The following GRK1 variants were observed in gnomAD, a reference collection of about 807,000 sequenced individuals.
The protein encoded by GRK1 is G protein-coupled receptor kinase 1.
Under a neutral mutation model 41.7 loss-of-function variants are expected in GRK1, and 28 were observed. The observed-to-expected ratio is 0.67, with a 90% CI of 0.50 to 0.92. The LOEUF is 0.92. Ranked by LOEUF, GRK1 falls within the 40% of genes least tolerant of loss-of-function variation. The pLI, the probability that GRK1 is intolerant of heterozygous loss-of-function variation, is 0.00. For missense variants in GRK1, 703 were observed against 671.2 expected (o/e 1.05, Z -0.52); for synonymous variants, 327 against 286.7 (o/e 1.14, Z -1.42).
chr13:113,652,763 C>T, the GRK1 span: 1 of 1,297,950 alleles, frequency 7.7e-7, no homozygotes, highest in Middle Eastern at 1.8e-4. Flanking sequence ...AGTCCCTGTC[C>T]CGCTTGGGCA....
Position 113,667,340 on chromosome 13 carries a change from C to T in GRK1, c.-47C>T, listed in dbSNP as rs1304726486. Reference sequence around the variant, plus strand: ...CTGTCTGTGAACGCTCCCGGCTTGGCCTCGGCTGATGGGCCCTCACGCCTG... The same window carrying T: ...CTGTCTGTGAACGCTCCCGGCTTGGTCTCGGCTGATGGGCCCTCACGCCTG... On this transcript the variant is annotated 5_prime_UTR_variant, in exon 1 of 7. Coordinates refer to ENST00000335678, the MANE Select transcript of GRK1 (RefSeq NM_002929.3). The surrounding 1 kb of genome is among the most constrained non-coding windows in gnomAD (Gnocchi z 7.5). The T allele has an allele frequency of 1.4e-6, 2 of 1,481,108 alleles. No homozygotes were observed. The highest frequency in any genetic ancestry group is 1.8e-6 in the Non-Finnish European group (2 of 1,111,022). 91.7% of individuals were successfully genotyped at this position (1,481,108 alleles called of 1,614,324 possible).
At chr13:113,670,676 G>A (rs915180383) in intron 2 of GRK1, among the ~76,000 whole-genome samples, 7 of 52,484 alleles carry the variant, frequency 1.3e-4, no homozygotes, top group South Asian at 1.1e-3. Context: ...GTGTCCAGGC[G>A]GAGGGGAGGG....
chr13:113,734,802 C>T, intron 6 of GRK1: 1 of 367,346 alleles, frequency 2.7e-6, no homozygotes, highest in Non-Finnish European at 4.9e-6. Context: ...AGCGCCAGGT[C>T]CTTTCACAAG....
the GRK1 span, among the ~76,000 whole-genome samples, chr13:113,651,119 C>T: frequency 2.0e-5 from 3 of 151,826 alleles, no homozygotes; most frequent in East Asian, 1.9e-4. Flanking sequence ...AGGCTCCACG[C>T]GGTAATGGAA....
the GRK1 span, among the ~76,000 whole-genome samples, chr13:113,660,860 T>C: frequency 6.6e-6 from 1 of 152,162 alleles, no homozygotes; most frequent in Non-Finnish European, 1.5e-5. Flanking sequence ...CTGCAAAATA[T>C]GGAAAGCAAA....
upstream of GRK1, among the ~76,000 whole-genome samples, chr13:113,665,338 C>T (rs918239960): frequency 4.0e-4 from 61 of 151,700 alleles, no homozygotes; most frequent in African/African-American, 1.4e-3. Flanking sequence ...CCAGGTGTGT[C>T]CCAGGTGTGT....
the GRK1 span, chr13:113,650,317 C>T: frequency 3.9e-6 from 5 of 1,272,668 alleles, no homozygotes; most frequent in Admixed American, 9.4e-5. This position sits in a 1 kb window ranked among gnomAD's most constrained non-coding sequence, Gnocchi z 5.0. Flanking sequence ...TTTCATTTTT[C>T]TACATGAAGG....
chr13:113,727,735 C>A, intron 4 of GRK1, among the ~76,000 whole-genome samples: 1 of 115,582 alleles, frequency 8.7e-6, no homozygotes, highest in Non-Finnish European at 1.8e-5. Flanking sequence ...GAGGAGTACC[C>A]ATGGCGATGA....
chr13:113,732,803 C>T (rs1566698857), intron 5 of GRK1, 81 bp from the exon 6 acceptor site: 1 of 1,463,538 alleles, frequency 6.8e-7, no homozygotes, highest in Non-Finnish European at 9.2e-7. Flanking sequence ...AGCGGTGGCT[C>T]TTGTGGGAGG....
At chr13:113,665,554 T>C (rs961512918), upstream of GRK1, among the ~76,000 whole-genome samples, 2 of 147,320 alleles carry the variant, frequency 1.4e-5, no homozygotes, top group Admixed American at 6.7e-5. Context: ...CTGTCTTAGG[T>C]GTGTCTCAGG....
At chr13:113,723,961 T>A (rs373794044) in intron 4 of GRK1, among the ~76,000 whole-genome samples, 3 of 151,762 alleles carry the variant, frequency 2.0e-5, no homozygotes, top group Non-Finnish European at 1.5e-5. Context: ...TCTGTGTGCA[T>A]GTGTTCCTGT....
Position 113,667,436 on chromosome 13 carries a change from C to A in GRK1, c.50C>A (p.Ala17Asp). ...ETVVANSAFI[A>D]ARGSFDGSSS... ...GTGGTGGCCAACTCTGCCTTCATCG[C>A]CGCCCGAGGCAGCTTTGACGGCAGC... Residue 17 changes from alanine to aspartate, a missense_variant, in exon 1 of 7, where the codon GCC (alanine) becomes GAC (aspartate). Ala to Asp is a moderately radical substitution (Grantham distance 126). Coordinates refer to ENST00000335678, the MANE Select transcript of GRK1 (RefSeq NM_002929.3). This position sits in a 1 kb window ranked among gnomAD's most constrained non-coding sequence, Gnocchi z 7.5. 1 of 1,604,606 alleles carries A rather than the reference C, an allele frequency of 6.2e-7. No individual in the cohort carries two copies. Among genetic ancestry groups the A allele is most frequent in the Non-Finnish European group, 8.5e-7 (1 of 1,174,518 alleles).
Position 113,731,199 on chromosome 13 carries a change from G to T in GRK1, c.1070-20G>T. On this transcript the variant is annotated intron_variant, in intron 4 of 6. Coordinates refer to ENST00000335678, the MANE Select transcript of GRK1 (RefSeq NM_002929.3). This position sits in a 1 kb window ranked among gnomAD's most constrained non-coding sequence, Gnocchi z 5.6. Reference sequence around the variant, plus strand: ...CATGGAGGTGACCACCTCTGAACCCGCAATGTCCCTTGCTGGCAGGTTTCA... The same window carrying T: ...CATGGAGGTGACCACCTCTGAACCCTCAATGTCCCTTGCTGGCAGGTTTCA... The T allele has an allele frequency of 2.6e-6, 4 of 1,536,164 alleles. No homozygotes were observed. Among genetic ancestry groups the T allele is most frequent in the Non-Finnish European group, 3.5e-6 (4 of 1,146,302 alleles).
Position 113,735,209 on chromosome 13 carries a change from A to G in GRK1, c.1538A>G (p.Asn513Ser), listed in dbSNP as rs1162495527. The G allele has an allele frequency of 6.5e-7, 1 of 1,537,182 alleles. No individual in the cohort carries two copies. The highest frequency in any genetic ancestry group is 2.4e-5 in the East Asian group (1 of 40,916). Residue 513 changes from asparagine (N) to serine (S), a missense_variant, in exon 7 of 7, where the codon AAC becomes AGC. By Grantham distance (46) the Asn-to-Ser change is conservative. Coordinates refer to ENST00000335678, the MANE Select transcript of GRK1 (RefSeq NM_002929.3). ...TEFFQEFATG[N>S]CPIPWQEEMI... ...TTCTTTCAGGAATTTGCCACTGGCA[A>G]CTGCCCCATCCCCTGGCAGGAGGAG...
chr13:113,730,853 CAA>C (rs1420518138), intron 4 of GRK1, among the ~76,000 whole-genome samples: 3 of 152,216 alleles, frequency 2.0e-5, no homozygotes, highest in Admixed American at 2.0e-4. Flanking sequence ...GAGGAAAATT[CAA>C]AAGAGAATGA....
At chr13:113,657,396 G>A in the GRK1 span, among the ~76,000 whole-genome samples, 1 of 152,246 alleles carries the variant, frequency 6.6e-6, no homozygotes, top group African/African-American at 2.4e-5. Context: ...GGGTGTGGCA[G>A]CCCTGATGTA....
Position 113,667,472 on chromosome 13 carries a change from C to A in GRK1, c.86C>A (p.Pro29His). The A allele has an allele frequency of 6.2e-7, 1 of 1,610,618 alleles. No homozygotes were observed. The highest frequency in any genetic ancestry group is 8.5e-7 in the Non-Finnish European group (1 of 1,178,412). The change falls in exon 1 of 7, where the codon CCC (proline) becomes CAC (histidine). Residue 29 changes from proline (P) to histidine (H), a missense_variant. Pro to His is a moderately conservative substitution (Grantham distance 77). Transcript: ENST00000335678. The surrounding 1 kb of genome is among the most constrained non-coding windows in gnomAD (Gnocchi z 7.5). Reference protein sequence around the residue: ...RGSFDGSSSQPSRDKKYLAKL... With the variant: ...RGSFDGSSSQHSRDKKYLAKL... ...AGCTTTGACGGCAGCAGCTCCCAACCCTCCCGGGACAAGAAGTACCTGGCC... is the reference window on the plus strand; with the variant it reads ...AGCTTTGACGGCAGCAGCTCCCAACACTCCCGGGACAAGAAGTACCTGGCC...
chr13:113,670,418 C>G (rs568069452), intron 2 of GRK1, among the ~76,000 whole-genome samples: 1 of 152,352 alleles, frequency 6.6e-6, no homozygotes, highest in South Asian at 2.1e-4. Context: ...GAGATAATAT[C>G]TGAGTCCAGA....
the GRK1 span, among the ~76,000 whole-genome samples, chr13:113,660,238 G>C: frequency 2.0e-5 from 3 of 152,146 alleles, no homozygotes; most frequent in African/African-American, 7.2e-5. Flanking sequence ...CCCCCCATCT[G>C]AGTGGTGTCA....
Sources: allele counts gnomAD v4.1 joint callset (sites outside exome capture counted in the v4.1 genomes callset), GRCh38; gene constraint gnomAD v4.1.1; non-coding constraint Gnocchi (gnomAD v3.1); transcripts MANE v1.5; gene names NCBI Gene and HGNC (gene_info 2026-07-23, HGNC 2026-07-21).